The following ALCAM variants were observed in gnomAD, a reference collection of about 807,000 sequenced individuals.
The protein encoded by ALCAM is CD166 antigen.
Under a neutral mutation model 70.9 loss-of-function variants are expected in ALCAM, and 30 were observed. The observed-to-expected ratio is 0.42, with a 90% CI of 0.32 to 0.57. ALCAM has a LOEUF of 0.57. Among genes scored for constraint, ALCAM ranks in the 20% least tolerant of loss-of-function variants. The pLI, the probability that ALCAM is intolerant of heterozygous loss-of-function variation, is 0.11. For synonymous variants in ALCAM, 249 were observed against 242.5 expected (o/e 1.03, Z -0.25); for missense variants, 591 against 695.1 (o/e 0.85, Z 1.68).
intron 2 of ALCAM, among the ~76,000 whole-genome samples, chr3:105,521,911 A>T (rs73006163): frequency 6.6e-6 from 1 of 152,306 alleles, no homozygotes; most frequent in African/African-American, 2.4e-5. Flanking sequence ...TAAATGTGGA[A>T]ATGTGAAGTT....
chr3:105,403,029 CT>C (rs1936129479), intron 1 of ALCAM, among the ~76,000 whole-genome samples: 1 of 149,372 alleles, frequency 6.7e-6, no homozygotes, highest in Admixed American at 6.7e-5. Context: ...TCATTGCAAC[CT>C]CTTCTTCCTG....
At chr3:105,559,564 A>G (rs1238048339) in intron 14 of ALCAM, among the ~76,000 whole-genome samples, 2 of 151,974 alleles carry the variant, frequency 1.3e-5, no homozygotes, top group African/African-American at 4.8e-5. Flanking sequence ...TCTCATTCGT[A>G]AGGGCTCCAC....
chr3:105,396,851 G>A lies in ALCAM; in HGVS notation c.73+29370G>A, dbSNP rs533563317. On this transcript the variant is annotated intron_variant, in intron 1 of 15. Transcript: ENST00000306107. Reference sequence around the variant, plus strand: ...TTTATAGTTCCTTTGTTAAATGTTAGCATGTGAGATAGTAATTTTTCATAA... The same window carrying A: ...TTTATAGTTCCTTTGTTAAATGTTAACATGTGAGATAGTAATTTTTCATAA... Among the ~76,000 whole-genome samples the A allele has an allele frequency of 4.5e-4, 69 of 152,110 alleles. 1 individual carries two copies. The highest frequency in any genetic ancestry group is 1.0e-3 in the South Asian group (5 of 4,822).
At chr3:105,437,320 G>C (rs977482381) in intron 1 of ALCAM, among the ~76,000 whole-genome samples, 1 of 152,048 alleles carries the variant, frequency 6.6e-6, no homozygotes, top group Admixed American at 6.6e-5. Flanking sequence ...TTTTTAAACC[G>C]ATATCATCTA....
intron 1 of ALCAM, among the ~76,000 whole-genome samples, chr3:105,379,659 T>G (rs1935467191): frequency 6.6e-6 from 1 of 151,874 alleles, no homozygotes; most frequent in African/African-American, 2.4e-5. Flanking sequence ...TTTAAATACA[T>G]TATTTCTCAA....
At chr3:105,457,534 T>C (rs906353650) in intron 1 of ALCAM, among the ~76,000 whole-genome samples, 3 of 152,042 alleles carry the variant, frequency 2.0e-5, no homozygotes, top group African/African-American at 7.2e-5. Flanking sequence ...CCTGCACTTG[T>C]ACCCCTGAAC....
intron 1 of ALCAM, among the ~76,000 whole-genome samples, chr3:105,475,702 T>C (rs1938090013): frequency 6.6e-6 from 1 of 151,972 alleles, no homozygotes; most frequent in Admixed American, 6.6e-5. Flanking sequence ...TTTAATGTTG[T>C]TTCTGACTAT....
chr3:105,457,463 C>G (rs1343328405), intron 1 of ALCAM, among the ~76,000 whole-genome samples: 1 of 152,002 alleles, frequency 6.6e-6, no homozygotes, highest in Non-Finnish European at 1.5e-5. Context: ...GGCTTAATCC[C>G]TGGGGGATGA....
intron 1 of ALCAM, among the ~76,000 whole-genome samples, chr3:105,374,580 G>A (rs1446254181): frequency 1.3e-5 from 2 of 152,010 alleles, no homozygotes; most frequent in Non-Finnish European, 2.9e-5. Flanking sequence ...GCAATGGTGC[G>A]ATCTCTGCTC....
At chr3:105,378,881 G>T (rs1487591790) in intron 1 of ALCAM, among the ~76,000 whole-genome samples, 1 of 151,932 alleles carries the variant, frequency 6.6e-6, no homozygotes, top group African/African-American at 2.4e-5. Flanking sequence ...GGTTAGAAAT[G>T]ATTTGAACTG....
intron 1 of ALCAM, among the ~76,000 whole-genome samples, chr3:105,517,068 A>G (rs966030371): frequency 6.6e-6 from 1 of 152,094 alleles, no homozygotes; most frequent in Non-Finnish European, 1.5e-5. Context: ...CTGGCACTTC[A>G]TCTCAAAGAT....
intron 1 of ALCAM, among the ~76,000 whole-genome samples, chr3:105,373,534 A>G (rs1218821567): frequency 6.6e-6 from 1 of 152,170 alleles, no homozygotes; most frequent in African/African-American, 2.4e-5. Context: ...GAAGAAAAAA[A>G]AACTTTCCTG....
intron 1 of ALCAM, among the ~76,000 whole-genome samples, chr3:105,426,174 C>G (rs1936786011): frequency 6.6e-6 from 1 of 151,798 alleles, no homozygotes; most frequent in Admixed American, 6.6e-5. Flanking sequence ...GACAAGTCAT[C>G]TAAGCTCTCT....
chr3:105,545,461 C>T, intron 9 of ALCAM, 126 bp downstream of exon 9: 1 of 606,888 alleles, frequency 1.6e-6, no homozygotes, highest in African/African-American at 1.9e-5. Context: ...CTCTCTCTCT[C>T]TCTGTTTCTG....
chr3:105,485,788 G>A (rs1009852097), intron 1 of ALCAM, among the ~76,000 whole-genome samples: 4 of 151,990 alleles, frequency 2.6e-5, no homozygotes, highest in Non-Finnish European at 5.9e-5. Context: ...ACTGAATAAT[G>A]ATATATGTTA....
At chr3:105,520,683 A>G (rs1005755998) in intron 2 of ALCAM, among the ~76,000 whole-genome samples, 1 of 152,074 alleles carries the variant, frequency 6.6e-6, no homozygotes, top group Middle Eastern at 3.2e-3. Flanking sequence ...ATTTTTTCCC[A>G]TATTTCTTGC....
Position 105,553,385 on chromosome 3 carries a change from C to T in ALCAM, c.1664+800C>T, listed in dbSNP as rs187965276. Among the ~76,000 whole-genome samples the T allele has an allele frequency of 6.9e-4, 105 of 151,914 alleles. 1 individual carries two copies. Among genetic ancestry groups the T allele is most frequent in the Middle Eastern group, 6.8e-3 (2 of 294 alleles). Reference sequence around the variant, plus strand: ...TTAAAAAGTTTCACTGGTGATTCTGCGGCATGCTGCTAGTTTCAAACATGG... The same window carrying T: ...TTAAAAAGTTTCACTGGTGATTCTGTGGCATGCTGCTAGTTTCAAACATGG... On this transcript the variant is annotated intron_variant, in intron 14 of 15. Coordinates refer to ENST00000306107, the MANE Select transcript of ALCAM (RefSeq NM_001627.4).
At chr3:105,486,606 A>T (rs1200347262) in intron 1 of ALCAM, among the ~76,000 whole-genome samples, 1 of 152,146 alleles carries the variant, frequency 6.6e-6, no homozygotes, top group African/African-American at 2.4e-5. Context: ...TTTTCAACTT[A>T]TAAATTTTAG....
At chr3:105,561,339 T>G (rs1020426302) in intron 14 of ALCAM, among the ~76,000 whole-genome samples, 1 of 152,164 alleles carries the variant, frequency 6.6e-6, no homozygotes, top group African/African-American at 2.4e-5. Context: ...ATTTTACTCC[T>G]TCCCTTCTAC....
Sources: allele counts gnomAD v4.1 joint callset (sites outside exome capture counted in the v4.1 genomes callset), GRCh38; gene constraint gnomAD v4.1.1; transcripts MANE v1.5; gene names NCBI Gene and HGNC (gene_info 2026-07-23, HGNC 2026-07-21).